DSCAML1: variants seen among roughly 807,000 people sequenced by gnomAD.
DSCAML1 encodes DS cell adhesion molecule like 1.
In DSCAML1, 38 loss-of-function variants were observed where a neutral mutation model predicts 200.5. The observed-to-expected ratio is 0.19, with a 90% confidence interval of 0.15 to 0.25. The LOEUF is 0.25. Ranked by LOEUF, DSCAML1 falls within the 10% of genes least tolerant of loss-of-function variation. The pLI is 1.00. For missense variants in DSCAML1, 2,223 were observed against 2,858.8 expected (o/e 0.78, Z 5.07); for synonymous variants, 1,215 against 1,165.0 (o/e 1.04, Z -0.87).
chr11:117,620,125 T>C (rs1305690202), intron 3 of DSCAML1, among the ~76,000 whole-genome samples: 1 of 152,132 alleles, frequency 6.6e-6, no homozygotes, highest in East Asian at 1.9e-4. Flanking sequence ...CCCAGTGACT[T>C]TGAGGTCCCA....
chr11:117,589,452 G>A (rs1167508962), intron 3 of DSCAML1, among the ~76,000 whole-genome samples: 1 of 151,860 alleles, frequency 6.6e-6, no homozygotes, highest in East Asian at 1.9e-4. Flanking sequence ...AATATAAATT[G>A]TTTGCAGTAG....
intron 3 of DSCAML1, among the ~76,000 whole-genome samples, chr11:117,771,599 C>T (rs2055040939): frequency 6.6e-6 from 1 of 152,192 alleles, no homozygotes; most frequent in Non-Finnish European, 1.5e-5. Flanking sequence ...ACACCCGATT[C>T]CTAATGATTC....
intron 3 of DSCAML1, among the ~76,000 whole-genome samples, chr11:117,645,136 T>C (rs186660742): frequency 1.3e-5 from 2 of 152,314 alleles, no homozygotes; most frequent in East Asian, 3.9e-4. Flanking sequence ...ATGCTTTCCA[T>C]GAGACCTGCA....
rs771457500 is a variant in DSCAML1 at position 117,461,454 on chromosome 11, A to C, written c.3408T>G (p.Asp1136Glu). Residue 1136 changes from aspartate (D) to glutamate (E), a missense_variant, in exon 18 of 33, where the codon GAT (aspartate) becomes GAG (glutamate). By Grantham distance (45) the Asp-to-Glu change is conservative. This residue lies in a region of DSCAML1 where 438 missense variants were observed against 629.7 expected (regional missense o/e 0.70). Transcript: ENST00000651296. ...YRVIFWSLYV[D>E]GEWGEMQNIT... ...CATCAGTCCCAGCAGACTCACCCCC[A>C]TCAACATAGAGGGACCAGAAGATGA... 1 of 1,614,020 alleles carries C rather than the reference A, an allele frequency of 6.2e-7. No homozygotes were observed. Among genetic ancestry groups the C allele is most frequent in the East Asian group, 2.2e-5 (1 of 44,872 alleles).
intron 14 of DSCAML1, among the ~76,000 whole-genome samples, chr11:117,474,481 G>C (rs1012544733): frequency 6.6e-6 from 1 of 151,944 alleles, no homozygotes; most frequent in Non-Finnish European, 1.5e-5. Context: ...TCATCTCTGC[G>C]CAGATACCTC....
chr11:117,716,046 T>C (rs372912620), intron 3 of DSCAML1, among the ~76,000 whole-genome samples: 43 of 152,340 alleles, frequency 2.8e-4, no homozygotes, highest in African/African-American at 1.0e-3. Flanking sequence ...ATTTATCATG[T>C]TTTACTTCTG....
At chr11:117,739,885 T>A (rs2137837478) in intron 3 of DSCAML1, among the ~76,000 whole-genome samples, 1 of 152,348 alleles carries the variant, frequency 6.6e-6, no homozygotes, top group African/African-American at 2.4e-5. Context: ...GCCCCTGGTC[T>A]CACCACAGAC....
intron 3 of DSCAML1, among the ~76,000 whole-genome samples, chr11:117,644,871 C>A (rs1418811625): frequency 6.6e-6 from 1 of 152,228 alleles, no homozygotes; most frequent in African/African-American, 2.4e-5. Flanking sequence ...CTGAACCCGC[C>A]GGGGCAGCGT....
intron 3 of DSCAML1, among the ~76,000 whole-genome samples, chr11:117,707,396 T>A (rs905065037): frequency 1.3e-5 from 2 of 152,220 alleles, no homozygotes; most frequent in African/African-American, 4.8e-5. Context: ...CTCTCCTCTC[T>A]GCTCCTCCAT....
At chr11:117,697,852 AC>A (rs1391583809) in intron 3 of DSCAML1, among the ~76,000 whole-genome samples, 4 of 150,600 alleles carry the variant, frequency 2.7e-5, no homozygotes, top group African/African-American at 9.8e-5. Flanking sequence ...GCTCACTGCA[AC>A]CTCCACCTCC....
intron 19 of DSCAML1, among the ~76,000 whole-genome samples, chr11:117,457,001 C>T (rs1294958645): frequency 1.3e-5 from 2 of 152,158 alleles, no homozygotes; most frequent in Non-Finnish European, 2.9e-5. Context: ...TTGCCAGCAC[C>T]TTGGTAGCCA....
At chr11:117,791,473 A>C (rs909759784) in intron 1 of DSCAML1, among the ~76,000 whole-genome samples, 2 of 152,220 alleles carry the variant, frequency 1.3e-5, no homozygotes, top group African/African-American at 2.4e-5. Flanking sequence ...TAGAGATTTA[A>C]CAACCAACCC....
intron 3 of DSCAML1, among the ~76,000 whole-genome samples, chr11:117,673,813 T>C (rs2053158357): frequency 6.6e-6 from 1 of 152,222 alleles, no homozygotes. Context: ...TTACACTTCA[T>C]TCCGGACAGC....
intron 3 of DSCAML1, among the ~76,000 whole-genome samples, chr11:117,666,204 A>G (rs2052971810): frequency 6.6e-6 from 1 of 152,156 alleles, no homozygotes; most frequent in African/African-American, 2.4e-5. Context: ...GCTTCCTACC[A>G]GTGGACCCTC....
chr11:117,450,908 G>A (rs2048270522), intron 19 of DSCAML1, among the ~76,000 whole-genome samples: 1 of 152,170 alleles, frequency 6.6e-6, no homozygotes, highest in Admixed American at 6.5e-5. Context: ...TGAAATGGAG[G>A]CCCTTGGAGT....
intron 30 of DSCAML1, among the ~76,000 whole-genome samples, chr11:117,431,949 G>A (rs975081957): frequency 2.0e-5 from 3 of 151,978 alleles, no homozygotes; most frequent in South Asian, 2.1e-4. Context: ...CATTCTCCCC[G>A]CCCACCCCAT....
intron 5 of DSCAML1, among the ~76,000 whole-genome samples, chr11:117,522,913 C>T (rs1298776665): frequency 6.6e-6 from 1 of 152,040 alleles, no homozygotes; most frequent in African/African-American, 2.4e-5. Context: ...CTTGGTGGTC[C>T]AAACAAGCCT....
intron 3 of DSCAML1, among the ~76,000 whole-genome samples, chr11:117,600,608 A>G (rs1268049283): frequency 6.6e-6 from 1 of 152,116 alleles, no homozygotes; most frequent in African/African-American, 2.4e-5. Context: ...AGGGAGGAGG[A>G]GGTGGTCTGA....
chr11:117,541,182 C>T (rs904508932), intron 3 of DSCAML1, among the ~76,000 whole-genome samples: 7 of 152,230 alleles, frequency 4.6e-5, no homozygotes, highest in Non-Finnish European at 8.8e-5. Context: ...TTTTCCTTGA[C>T]TTACTTCTGG....
Sources: gnomAD v4.1 joint callset for allele counts (sites outside exome capture counted in the v4.1 genomes callset) on GRCh38, gnomAD v4.1.1 for gene constraint, gnomAD v4.1.1 regional missense constraint, MANE v1.5 for transcripts, NCBI Gene and HGNC (gene_info 2026-07-23, HGNC 2026-07-21) for gene names.